Variants in TENM2 observed in about 807,000 individuals in gnomAD.
TENM2 encodes teneurin transmembrane protein 2.
Under a neutral mutation model 245.2 loss-of-function variants are expected in TENM2, and 52 were observed. That is an observed-to-expected ratio of 0.21 (90% CI 0.17 to 0.27). The LOEUF is 0.27. Among genes scored for constraint, TENM2 ranks in the 10% least tolerant of loss-of-function variants. TENM2 has a pLI of 1.00. For synonymous variants in TENM2, 1,363 were observed against 1,438.9 expected, an observed-to-expected ratio of 0.95 and a Z score of 1.19; for missense variants, 3,046 against 3,666.8, an observed-to-expected ratio of 0.83 and a Z score of 4.37.
At chr5:167,449,021 G>C (rs1765393902) in intron 2 of TENM2, among the ~76,000 whole-genome samples, 1 of 151,520 alleles carries the variant, frequency 6.6e-6, no homozygotes, top group Non-Finnish European at 1.5e-5. Flanking sequence ...TCTGTGATAA[G>C]GCATTTATTT....
At chr5:167,360,121 A>G (rs1482910609) in intron 1 of TENM2, among the ~76,000 whole-genome samples, 2 of 152,192 alleles carry the variant, frequency 1.3e-5, no homozygotes, top group African/African-American at 2.4e-5. Context: ...CCCCGGTGAT[A>G]CAAGTTTACT....
intron 9 of TENM2, among the ~76,000 whole-genome samples, chr5:168,109,337 A>G (rs1474299961): frequency 6.6e-6 from 1 of 152,224 alleles, no homozygotes; most frequent in East Asian, 1.9e-4. Context: ...GCCACCGCCT[A>G]TTGAAGATCA....
At chr5:168,106,223 A>G (rs1054978567) in intron 9 of TENM2, among the ~76,000 whole-genome samples, 2 of 152,138 alleles carry the variant, frequency 1.3e-5, no homozygotes, top group African/African-American at 2.4e-5. Flanking sequence ...TTCAGCTCCT[A>G]CCCAGCTTCT....
the TENM2 span, among the ~76,000 whole-genome samples, chr5:167,263,099 C>A: frequency 6.6e-6 from 1 of 152,260 alleles, no homozygotes; most frequent in East Asian, 1.9e-4. Context: ...GGTTAGGTTT[C>A]ACTGTAAGAA....
the TENM2 span, among the ~76,000 whole-genome samples, chr5:167,221,953 TGC>T: frequency 6.6e-6 from 1 of 152,182 alleles, no homozygotes; most frequent in Non-Finnish European, 1.5e-5. Flanking sequence ...GTACAGCAAA[TGC>T]AGTGGAATAT....
intron 3 of TENM2, among the ~76,000 whole-genome samples, chr5:167,931,426 T>C (rs892503734): frequency 2.0e-5 from 3 of 151,722 alleles, no homozygotes; most frequent in African/African-American, 7.3e-5. Flanking sequence ...TGGTATAGAC[T>C]CAAAAGGCCT....
chr5:167,978,704 G>A (rs1355878204), intron 4 of TENM2, among the ~76,000 whole-genome samples: 1 of 151,986 alleles, frequency 6.6e-6, no homozygotes, highest in Admixed American at 6.6e-5. Context: ...AAAATGTTTT[G>A]GAACTTAAAT....
chr5:167,010,381 C>T, the TENM2 span, among the ~76,000 whole-genome samples: 1 of 151,928 alleles, frequency 6.6e-6, no homozygotes. Flanking sequence ...AAAACTCTGT[C>T]TCAAAGAAAA....
At chr5:167,299,730 T>C (rs2127733931) in intron 1 of TENM2, among the ~76,000 whole-genome samples, 1 of 151,584 alleles carries the variant, frequency 6.6e-6, no homozygotes, top group South Asian at 2.1e-4. Flanking sequence ...TATGGGGAAA[T>C]GGGGTGAACG....
At chr5:167,515,712 C>A (rs898455427) in intron 2 of TENM2, among the ~76,000 whole-genome samples, 1 of 122,414 alleles carries the variant, frequency 8.2e-6, no homozygotes, top group African/African-American at 3.4e-5. Flanking sequence ...GTTGCCCAGA[C>A]TGGAGTGCAG....
chr5:167,890,751 A>G (rs1368612382), intron 3 of TENM2, among the ~76,000 whole-genome samples: 2 of 152,128 alleles, frequency 1.3e-5, no homozygotes, highest in African/African-American at 4.8e-5. Context: ...TGTATCTTCA[A>G]TCTCAGTTAT....
chr5:168,173,833 C>T (rs1267190157), intron 13 of TENM2, among the ~76,000 whole-genome samples: 2 of 152,146 alleles, frequency 1.3e-5, no homozygotes, highest in African/African-American at 4.8e-5. Flanking sequence ...GCACTGAAGA[C>T]TTCCAAAATA....
chr5:167,100,150 G>A, the TENM2 span, among the ~76,000 whole-genome samples: 2 of 152,044 alleles, frequency 1.3e-5, no homozygotes, highest in East Asian at 1.9e-4. Flanking sequence ...GTATGTTTTC[G>A]GCCAAGTTCT....
the TENM2 span, among the ~76,000 whole-genome samples, chr5:167,204,274 T>C: frequency 6.6e-6 from 1 of 151,884 alleles, no homozygotes; most frequent in African/African-American, 2.4e-5. Context: ...ATAAAATTAA[T>C]AATAAGGTCA....
At chr5:168,148,484 A>G (rs1581449114) in intron 12 of TENM2, among the ~76,000 whole-genome samples, 1 of 152,242 alleles carries the variant, frequency 6.6e-6, no homozygotes, top group Admixed American at 6.5e-5. Context: ...CCCTGTAATG[A>G]TCAGTGGCCT....
At chr5:167,692,873 T>C (rs1245910085) in intron 2 of TENM2, among the ~76,000 whole-genome samples, 1 of 152,192 alleles carries the variant, frequency 6.6e-6, no homozygotes, top group Admixed American at 6.5e-5. Context: ...GCATATGCAC[T>C]CATGCTGGGA....
In TENM2 at chr5:167,399,400, A is replaced by G. The variant is rs963196518; in HGVS notation, c.502+23927A>G. Reference sequence around the variant, plus strand: ...TGTAGTGCAGAGCGCCTTTAACTACAGCAGAACGCTGCAGCATCACTCATT... The same window carrying G: ...TGTAGTGCAGAGCGCCTTTAACTACGGCAGAACGCTGCAGCATCACTCATT... On this transcript the variant is annotated intron_variant, in intron 2 of 28. Transcript: ENST00000518659. Among the ~76,000 whole-genome samples, 138 of 152,312 alleles carry G rather than the reference A, an allele frequency of 9.1e-4. 1 individual carries two copies. Among genetic ancestry groups the G allele is most frequent in the Middle Eastern group, 3.4e-3 (1 of 294 alleles).
chr5:168,190,428 C>A, exon 14 of TENM2: 1 of 1,613,984 alleles, frequency 6.2e-7, no homozygotes, highest in South Asian at 1.1e-5. Flanking sequence ...ACCCACTGGA[C>A]ATCATTCAGC....
intron 12 of TENM2, among the ~76,000 whole-genome samples, chr5:168,152,725 G>A (rs1185524123): frequency 6.6e-6 from 1 of 152,074 alleles, no homozygotes; most frequent in African/African-American, 2.4e-5. Flanking sequence ...CCCTACCTTT[G>A]TGTAACACTT....
Sources: gnomAD v4.1 joint callset for allele counts (sites outside exome capture counted in the v4.1 genomes callset) on GRCh38, gnomAD v4.1.1 for gene constraint, MANE v1.5 for transcripts, NCBI Gene and HGNC (gene_info 2026-07-23, HGNC 2026-07-21) for gene names.